RAPGEF6: variants seen among roughly 807,000 people sequenced by gnomAD.
RAPGEF6 encodes the protein Rap guanine nucleotide exchange factor 6.
RAPGEF6 carries 56 observed loss-of-function variants against 171.4 expected under a neutral mutation model. That is an observed-to-expected ratio of 0.33 (90% confidence interval 0.26 to 0.41). RAPGEF6 has a LOEUF of 0.41. RAPGEF6 is among the 10% of genes least tolerant of loss of function. The pLI, the probability that RAPGEF6 is intolerant of heterozygous loss-of-function variation, is 1.00. For synonymous variants in RAPGEF6, 692 were observed against 650.1 expected (o/e 1.06, Z -0.98); for missense variants, 1,674 against 1,921.4 (o/e 0.87, Z 2.41).
At chr5:131,479,905 T>A in intron 15 of RAPGEF6, 152 bp from the exon 16 acceptor site, 3 of 730,482 alleles carry the variant, frequency 4.1e-6, no homozygotes, top group Non-Finnish European at 6.6e-6. Flanking sequence ...TTACCCGTCC[T>A]TTAGCAGCTA....
At position 131,471,208 on chromosome 5, in the gene RAPGEF6, C is replaced by T. The variant is rs756065213; in HGVS notation, c.2239+1379G>A. The stretch of plus-strand genomic sequence containing the variant: ...TACAAATGTCTTAGGAAAGTAATGA[C>T]TCATTAAATCTTTGTTCTAAAAAGA... On this transcript the variant is annotated intron_variant, in intron 17 of 27. Coordinates refer to ENST00000509018, the MANE Select transcript of RAPGEF6 (RefSeq NM_016340.6). Among the ~76,000 whole-genome samples, 3 of 152,158 alleles carry T rather than the reference C, an allele frequency of 2.0e-5. No individual in the cohort carries two copies. The East Asian group carries it at 5.8e-4, about 29-fold the overall frequency.
At chr5:131,634,382 A>G (rs2149495755) in intron 1 of RAPGEF6, among the ~76,000 whole-genome samples, 1 of 152,262 alleles carries the variant, frequency 6.6e-6, no homozygotes, top group East Asian at 1.9e-4. Context: ...CGACACAGCA[A>G]ATTTTGGATC....
At chr5:131,563,069 A>T (rs150275876) in intron 4 of RAPGEF6, among the ~76,000 whole-genome samples, 7 of 151,910 alleles carry the variant, frequency 4.6e-5, no homozygotes, top group African/African-American at 1.7e-4. Flanking sequence ...AATGAAGAAT[A>T]AAAAAAAGCC....
intron 4 of RAPGEF6, among the ~76,000 whole-genome samples, chr5:131,589,001 C>A (rs575894789): frequency 6.6e-6 from 1 of 151,930 alleles, no homozygotes; most frequent in East Asian, 1.9e-4. Flanking sequence ...ACCCGGGAGG[C>A]AGAGATTGCA....
chr5:131,439,368 G>A (rs1258994351), intron 24 of RAPGEF6, among the ~76,000 whole-genome samples: 1 of 152,094 alleles, frequency 6.6e-6, no homozygotes, highest in Non-Finnish European at 1.5e-5. Flanking sequence ...TGAAGTTTAG[G>A]ACCACACTTT....
chr5:131,575,861 T>C (rs956262721), intron 4 of RAPGEF6, among the ~76,000 whole-genome samples: 15 of 152,186 alleles, frequency 9.9e-5, no homozygotes, highest in African/African-American at 3.6e-4. Flanking sequence ...CTCACAGTTC[T>C]AGGCTGGCCC....
intron 7 of RAPGEF6, among the ~76,000 whole-genome samples, 176 bp from the exon 8 acceptor site, chr5:131,510,667 A>G (rs2149895276): frequency 6.6e-6 from 1 of 152,328 alleles, no homozygotes; most frequent in African/African-American, 2.4e-5. Flanking sequence ...TTCTGCCCCA[A>G]ATTTAGAGGC....
chr5:131,447,005 T>G, intron 21 of RAPGEF6: 1 of 279,834 alleles, frequency 3.6e-6, no homozygotes, highest in Non-Finnish European at 6.8e-6. Flanking sequence ...AGAAAAAGCA[T>G]TCCTCTGGTC....
At chr5:131,527,906 TC>T (rs1294431309) in intron 6 of RAPGEF6, among the ~76,000 whole-genome samples, 1 of 150,556 alleles carries the variant, frequency 6.6e-6, no homozygotes, top group Non-Finnish European at 1.5e-5. Flanking sequence ...TCCCAGCTAC[TC>T]GGGAGGCTGA....
At position 131,433,520 on chromosome 5, in the gene RAPGEF6, G is replaced by A. The variant is rs1404753317; in HGVS notation, c.3884C>T (p.Ser1295Phe). ...GGATTCAGGGACTGCCAGGGCCTGA[G>A]AGGAACACCGTTCATCCTGTAGAGC... is the stretch of plus-strand genomic sequence containing the variant. ...SAALQDERCS[S>F]QALAVPESTG... Residue 1295 changes from serine (S) to phenylalanine (F), a missense_variant, in exon 25 of 28, where the codon TCT becomes TTT. Physicochemically the swap from Ser to Phe is radical, Grantham distance 155. Coordinates refer to ENST00000509018, the MANE Select transcript of RAPGEF6 (RefSeq NM_016340.6). 2 of 1,613,864 alleles carry A rather than the reference G, an allele frequency of 1.2e-6. No individual in the cohort carries two copies. The highest frequency in any genetic ancestry group is 1.1e-5 in the South Asian group (1 of 91,072).
intron 17 of RAPGEF6, among the ~76,000 whole-genome samples, chr5:131,467,187 G>A (rs1754414761): frequency 6.6e-6 from 1 of 152,222 alleles, no homozygotes; most frequent in African/African-American, 2.4e-5. Context: ...CATCTTCTGG[G>A]AAGGAGCACA....
chr5:131,581,899 T>C (rs911361830), intron 4 of RAPGEF6, among the ~76,000 whole-genome samples: 4 of 152,154 alleles, frequency 2.6e-5, no homozygotes, highest in Non-Finnish European at 5.9e-5. Context: ...TCCCTGCCCT[T>C]GTGAAAGTAT....
In RAPGEF6 at chr5:131,498,530, T is replaced by C. The variant is rs762582643; in HGVS notation, c.1332A>G (p.Leu444=). Residue 444 remains leucine, a synonymous_variant, in exon 12 of 28, where the codon CTA becomes CTG. Coordinates refer to ENST00000509018, the MANE Select transcript of RAPGEF6 (RefSeq NM_016340.6). The part of the protein sequence containing the change: ...IVDPTYIEDF[L]LTYRTFLESP... ...TTTCAAGAAATGTCCTGTAAGTTAA[T>C]AGAAAATCTTCTATATAAGTTGGAT... 1.6e-5 allele frequency: 26 copies of C among 1,613,678 alleles called. No individual in the cohort carries two copies. The Admixed American group carries it at 1.8e-4, about 11-fold the overall frequency.
chr5:131,610,561 A>T (rs1417405696), intron 1 of RAPGEF6, among the ~76,000 whole-genome samples: 1 of 152,208 alleles, frequency 6.6e-6, no homozygotes. Flanking sequence ...GCCTGAGAAG[A>T]ATGATTACCA....
intron 26 of RAPGEF6, 52 bp downstream of exon 26, chr5:131,430,807 T>C: frequency 2.5e-6 from 4 of 1,579,996 alleles, no homozygotes; most frequent in Non-Finnish European, 3.4e-6. Context: ...CCCAATGCCA[T>C]TTTTTGACTA....
chr5:131,499,039 G>A (rs996129999), intron 11 of RAPGEF6, among the ~76,000 whole-genome samples: 9 of 152,158 alleles, frequency 5.9e-5, no homozygotes, highest in African/African-American at 1.7e-4. Flanking sequence ...AAAGAAAAAA[G>A]AAAGCTTTTC....
intron 11 of RAPGEF6, among the ~76,000 whole-genome samples, chr5:131,504,250 T>A (rs753168165): frequency 3.9e-5 from 6 of 151,942 alleles, no homozygotes; most frequent in Non-Finnish European, 8.8e-5. Context: ...GATCACAGGG[T>A]CAGGAGTTCA....
intron 23 of RAPGEF6, among the ~76,000 whole-genome samples, chr5:131,441,117 T>G (rs1369113324): frequency 6.6e-6 from 1 of 152,232 alleles, no homozygotes; most frequent in Non-Finnish European, 1.5e-5. Flanking sequence ...ACATTGTAAT[T>G]TCAGCATACC....
chr5:131,582,182 ATACCACC>A (rs1413022325), intron 4 of RAPGEF6, among the ~76,000 whole-genome samples: 1 of 152,232 alleles, frequency 6.6e-6, no homozygotes. Flanking sequence ...CAGGTAACAC[ATACCACC>A]TGATTTCATG....
Sources: allele counts gnomAD v4.1 joint callset (sites outside exome capture counted in the v4.1 genomes callset), GRCh38; gene constraint gnomAD v4.1.1; transcripts MANE v1.5; gene names NCBI Gene and HGNC (gene_info 2026-07-23, HGNC 2026-07-21).